Variants in RBFOX1 observed in about 807,000 individuals in gnomAD.
RBFOX1 encodes the protein RNA binding fox-1 homolog 1, also known as RNA binding protein fox-1 homolog 1.
In RBFOX1, 8 loss-of-function variants were observed where a neutral mutation model predicts 57.7. The observed-to-expected ratio is 0.14, with a 90% confidence interval of 0.08 to 0.25. The LOEUF (loss-of-function observed/expected upper bound fraction) is 0.25. RBFOX1 is among the 10% of genes least tolerant of loss of function. RBFOX1 has a pLI of 1.00. For missense variants in RBFOX1, 611 were observed against 548.5 expected, an observed-to-expected ratio of 1.11 and a Z score of -1.14; for synonymous variants, 326 against 222.4, an observed-to-expected ratio of 1.47 and a Z score of -4.15.
chr16:6,220,428 A>G (rs932445920), intron 1 of RBFOX1, among the ~76,000 whole-genome samples: 3 of 152,222 alleles, frequency 2.0e-5, no homozygotes, highest in African/African-American at 7.2e-5. Flanking sequence ...AAACAAGAGA[A>G]AAGGAGGAAT....
At chr16:7,366,528 GT>G (rs2097452201) in intron 4 of RBFOX1, among the ~76,000 whole-genome samples, 1 of 152,170 alleles carries the variant, frequency 6.6e-6, no homozygotes, top group Non-Finnish European at 1.5e-5. Flanking sequence ...GATGATTTCT[GT>G]CCTTCCTCCC....
intron 4 of RBFOX1, among the ~76,000 whole-genome samples, chr16:5,910,620 C>G (rs528970497): frequency 2.6e-5 from 4 of 152,278 alleles, no homozygotes; most frequent in African/African-American, 9.6e-5. Context: ...AAGGAGCTGT[C>G]CGGAGTGGCT....
intron 4 of RBFOX1, among the ~76,000 whole-genome samples, chr16:5,873,631 A>G (rs1229721911): frequency 2.0e-5 from 3 of 152,244 alleles, no homozygotes; most frequent in Admixed American, 2.0e-4. Context: ...AAGTTGACAC[A>G]CTATCATACC....
At chr16:7,576,087 T>A (rs2093314087) in intron 5 of RBFOX1, among the ~76,000 whole-genome samples, 1 of 140,922 alleles carries the variant, frequency 7.1e-6, no homozygotes, top group Admixed American at 7.7e-5. Flanking sequence ...CACATGGCCA[T>A]GATCAGCTAT....
At chr16:5,768,997 G>A (rs1224007272) in intron 3 of RBFOX1, among the ~76,000 whole-genome samples, 1 of 151,914 alleles carries the variant, frequency 6.6e-6, no homozygotes, top group Non-Finnish European at 1.5e-5. Flanking sequence ...GCTGCCTGGA[G>A]CACCATTAGT....
chr16:7,709,388 ATAAT>A (rs1216230238), intron 15 of RBFOX1: 121 of 1,229,170 alleles, frequency 9.8e-5, no homozygotes, highest in Non-Finnish European at 1.1e-4. Context: ...CCTTAATGGA[ATAAT>A]TAGTCATTTT....
intron 4 of RBFOX1, among the ~76,000 whole-genome samples, chr16:7,302,481 G>T (rs2096057986): frequency 6.6e-6 from 1 of 152,040 alleles, no homozygotes; most frequent in South Asian, 2.1e-4. Flanking sequence ...CCAGGGTTCT[G>T]CCCCAAATAT....
intron 4 of RBFOX1, among the ~76,000 whole-genome samples, chr16:7,065,880 T>A (rs771923511): frequency 1.1e-4 from 17 of 152,312 alleles, no homozygotes; most frequent in Non-Finnish European, 2.1e-4. Flanking sequence ...AGACGCTACA[T>A]GGAAGTGAGT....
At chr16:6,979,408 A>C (rs2088036057) in intron 3 of RBFOX1, among the ~76,000 whole-genome samples, 2 of 152,204 alleles carry the variant, frequency 1.3e-5, no homozygotes, top group East Asian at 1.9e-4. Flanking sequence ...AGACCCACTA[A>C]ATTAAAGTTG....
At chr16:5,502,214 C>G (rs17137973) in intron 2 of RBFOX1, among the ~76,000 whole-genome samples, 1 of 152,008 alleles carries the variant, frequency 6.6e-6, no homozygotes, top group African/African-American at 2.4e-5. Context: ...CAGCTTTGGG[C>G]AGAAGGATTA....
intron 1 of RBFOX1, among the ~76,000 whole-genome samples, chr16:5,321,398 C>A (rs2064401904): frequency 6.6e-6 from 1 of 151,980 alleles, no homozygotes; most frequent in Non-Finnish European, 1.5e-5. Flanking sequence ...CAGCTTACTG[C>A]CAGCTCCGCC....
chr16:7,042,853 G>C (rs1457787398), intron 3 of RBFOX1, among the ~76,000 whole-genome samples: 2 of 152,192 alleles, frequency 1.3e-5, no homozygotes, highest in African/African-American at 4.8e-5. Flanking sequence ...TTGAACCTGG[G>C]AGGTGGAGGT....
chr16:7,602,838 C>G (rs1420104104), intron 9 of RBFOX1, among the ~76,000 whole-genome samples: 1 of 152,112 alleles, frequency 6.6e-6, no homozygotes, highest in Non-Finnish European at 1.5e-5. Context: ...TGTCAGGCCA[C>G]CAAACAAGTC....
At chr16:5,414,058 G>A (rs72777544) in intron 1 of RBFOX1, among the ~76,000 whole-genome samples, 9,927 of 152,206 alleles carry the variant, frequency 0.065, 404 homozygotes, top group African/African-American at 0.099. Context: ...CCCCAGAATG[G>A]TGGCCTCTTC....
intron 4 of RBFOX1, among the ~76,000 whole-genome samples, chr16:7,216,381 G>A (rs1012005376): frequency 7.2e-5 from 11 of 152,056 alleles, no homozygotes; most frequent in Non-Finnish European, 1.3e-4. Flanking sequence ...TAGACCGGGC[G>A]CAGTGGCTCA....
intron 2 of RBFOX1, among the ~76,000 whole-genome samples, chr16:6,395,916 A>C (rs1469064496): frequency 1.3e-5 from 2 of 151,928 alleles, no homozygotes; most frequent in South Asian, 2.1e-4. Flanking sequence ...AATACAAAAA[A>C]TTAGCTGGTC....
intron 4 of RBFOX1, among the ~76,000 whole-genome samples, chr16:7,098,608 G>C (rs1225410968): frequency 1.3e-5 from 2 of 152,204 alleles, no homozygotes; most frequent in East Asian, 3.9e-4. Context: ...AATAACACAG[G>C]AAATTCATTG....
At chr16:6,107,928 C>T (rs2096401856) in intron 1 of RBFOX1, among the ~76,000 whole-genome samples, 1 of 152,000 alleles carries the variant, frequency 6.6e-6, no homozygotes, top group African/African-American at 2.4e-5. Context: ...CATGTTTCCT[C>T]CAAAAAAATC....
chr16:7,366,830 G>A (rs1481462105), intron 4 of RBFOX1, among the ~76,000 whole-genome samples: 2 of 152,132 alleles, frequency 1.3e-5, no homozygotes, highest in Non-Finnish European at 2.9e-5. Flanking sequence ...GAGACATCAG[G>A]CAGAGACACA....
Sources: gnomAD v4.1 joint callset for allele counts (sites outside exome capture counted in the v4.1 genomes callset) on GRCh38, gnomAD v4.1.1 for gene constraint, MANE v1.5 for transcripts, NCBI Gene and HGNC (gene_info 2026-07-23, HGNC 2026-07-21) for gene names.